The following NKAIN2 variants were observed in gnomAD, a reference collection of about 807,000 sequenced individuals.
NKAIN2 encodes sodium/potassium-transporting ATPase subunit beta-1-interacting protein 2.
In NKAIN2, 14 loss-of-function variants were observed where a neutral mutation model predicts 32.6. The ratio of observed to expected loss-of-function variants is 0.43; its 90% CI spans 0.28 to 0.67. The LOEUF is 0.67. NKAIN2 is among the 30% of genes least tolerant of loss of function. The probability of loss-of-function intolerance (pLI) is 0.17; values close to 1 mark genes in which losing one functional copy is unlikely to be tolerated. For missense variants in NKAIN2, 198 were observed against 258.3 expected, an observed-to-expected ratio of 0.77 and a Z score of 1.60; for synonymous variants, 80 against 87.2, an observed-to-expected ratio of 0.92 and a Z score of 0.46.
intron 3 of NKAIN2, among the ~76,000 whole-genome samples, chr6:124,366,423 T>A (rs2114303083): frequency 6.6e-6 from 1 of 152,158 alleles, no homozygotes; most frequent in African/African-American, 2.4e-5. Flanking sequence ...TTAAATAAAT[T>A]GCATCATTAA....
rs534796259 is a variant in NKAIN2, at chr6:124,475,647, C to T, written c.273+120300C>T. On this transcript the variant is annotated intron_variant, in intron 3 of 6. Coordinates refer to ENST00000368417, the MANE Select transcript of NKAIN2 (RefSeq NM_001040214.3). ...CACATGCACAGCTCTGTAACTAGACCGAAGGTAGTTTTCCTTTCTCTGCAT... is the reference window on the plus strand; with the variant it reads ...CACATGCACAGCTCTGTAACTAGACTGAAGGTAGTTTTCCTTTCTCTGCAT... 2.0e-5 allele frequency among the ~76,000 whole-genome samples: 3 copies of T among 152,120 alleles called. No individual in the cohort carries two copies. The South Asian group carries it at 6.2e-4, about 32-fold the overall frequency.
At chr6:124,575,122 T>G (rs1239182680) in intron 3 of NKAIN2, among the ~76,000 whole-genome samples, 3 of 152,206 alleles carry the variant, frequency 2.0e-5, no homozygotes, top group Non-Finnish European at 4.4e-5. Context: ...GGAAAGCAAC[T>G]TCCTTTTGTA....
At chr6:124,630,104 AG>A (rs1783505573) in intron 3 of NKAIN2, among the ~76,000 whole-genome samples, 1 of 152,118 alleles carries the variant, frequency 6.6e-6, no homozygotes, top group South Asian at 2.1e-4. Flanking sequence ...TAGAGTGGAG[AG>A]AAGAAGGTTT....
intron 3 of NKAIN2, among the ~76,000 whole-genome samples, chr6:124,397,641 A>C (rs940762758): frequency 4.1e-5 from 6 of 144,662 alleles, no homozygotes; most frequent in African/African-American, 1.7e-4. Flanking sequence ...AAAAAAAAGA[A>C]TTTAAAAAAA....
intron 1 of NKAIN2, among the ~76,000 whole-genome samples, chr6:123,849,949 G>GTTTTTT (rs777466801): frequency 1.0e-4 from 4 of 38,688 alleles, no homozygotes; most frequent in African/African-American, 1.6e-4. Flanking sequence ...ACTCAGGCTG[G>GTTTTTT]TTTTTTTTTT....
chr6:124,711,607 G>C, intron 4 of NKAIN2, among the ~76,000 whole-genome samples: 1 of 149,758 alleles, frequency 6.7e-6, no homozygotes, highest in East Asian at 2.0e-4. Context: ...CCAGTTGATC[G>C]CATCGGCTCC....
chr6:123,882,932 G>A (rs1773516137), intron 1 of NKAIN2, among the ~76,000 whole-genome samples: 1 of 152,096 alleles, frequency 6.6e-6, no homozygotes, highest in African/African-American at 2.4e-5. Flanking sequence ...AAACTAAGCT[G>A]GTGAAACGGT....
chr6:124,075,623 T>C (rs1271336436), intron 1 of NKAIN2, among the ~76,000 whole-genome samples: 1 of 151,956 alleles, frequency 6.6e-6, no homozygotes, highest in Non-Finnish European at 1.5e-5. Flanking sequence ...AGAGACGGAG[T>C]CTTGATGTGT....
chr6:123,804,488 G>A (rs1001426536), intron 1 of NKAIN2, among the ~76,000 whole-genome samples: 1 of 152,054 alleles, frequency 6.6e-6, no homozygotes, highest in Non-Finnish European at 1.5e-5. Flanking sequence ...TGGCAGGTGC[G>A]GGTTAAACTT....
intron 2 of NKAIN2, among the ~76,000 whole-genome samples, chr6:124,342,933 A>C (rs537029424): frequency 6.6e-6 from 1 of 150,488 alleles, no homozygotes; most frequent in African/African-American, 2.4e-5. Context: ...TGCACCCATT[A>C]ACTCATCATT....
chr6:123,928,920 G>A (rs1776130958), intron 1 of NKAIN2, among the ~76,000 whole-genome samples: 1 of 152,088 alleles, frequency 6.6e-6, no homozygotes, highest in African/African-American at 2.4e-5. Context: ...ATTCTGTACA[G>A]TTATAGAAAT....
intron 1 of NKAIN2, among the ~76,000 whole-genome samples, chr6:124,046,715 G>A (rs186384709): frequency 6.6e-6 from 1 of 151,834 alleles, no homozygotes; most frequent in Non-Finnish European, 1.5e-5. Context: ...TGAGTTCTAG[G>A]GTCTTCTCCA....
At chr6:123,927,958 A>G (rs994708406) in intron 1 of NKAIN2, among the ~76,000 whole-genome samples, 8 of 152,168 alleles carry the variant, frequency 5.3e-5, no homozygotes, top group Non-Finnish European at 1.2e-4. Context: ...TTAATAAAGA[A>G]CCATGAGCCC....
intron 3 of NKAIN2, among the ~76,000 whole-genome samples, chr6:124,372,126 C>T (rs1258550946): frequency 4.6e-5 from 7 of 151,912 alleles, no homozygotes; most frequent in Admixed American, 2.6e-4. Context: ...TTTATTGGTA[C>T]TACAAAAAGC....
intron 3 of NKAIN2, among the ~76,000 whole-genome samples, chr6:124,641,643 C>A (rs71560002): frequency 1.4e-5 from 2 of 147,384 alleles, no homozygotes; most frequent in African/African-American, 5.1e-5. Context: ...CCTCCGCCTC[C>A]TGGGCTAAAG....
chr6:123,818,484 C>T (rs893316824), intron 1 of NKAIN2, among the ~76,000 whole-genome samples: 8 of 151,956 alleles, frequency 5.3e-5, no homozygotes, highest in African/African-American at 1.9e-4. Flanking sequence ...CAAGAAGGTT[C>T]TGCAAGAATT....
chr6:124,481,437 A>T (rs1385480370), intron 3 of NKAIN2, among the ~76,000 whole-genome samples: 1 of 152,126 alleles, frequency 6.6e-6, no homozygotes, highest in African/African-American at 2.4e-5. Context: ...GTCAGTTAAG[A>T]ATAGTCTAAG....
At chr6:124,571,039 T>C (rs1781108611) in intron 3 of NKAIN2, among the ~76,000 whole-genome samples, 4 of 152,098 alleles carry the variant, frequency 2.6e-5, no homozygotes, top group Admixed American at 2.6e-4. Flanking sequence ...TTTTGGAGCT[T>C]TAAAATTTGA....
At chr6:124,613,935 A>G (rs1782787289) in intron 3 of NKAIN2, among the ~76,000 whole-genome samples, 1 of 152,198 alleles carries the variant, frequency 6.6e-6, no homozygotes, top group South Asian at 2.1e-4. Flanking sequence ...TCAGTCTTTC[A>G]ACTTCATTGC....
Sources: allele counts gnomAD v4.1 joint callset (sites outside exome capture counted in the v4.1 genomes callset), GRCh38; gene constraint gnomAD v4.1.1; transcripts MANE v1.5; gene names NCBI Gene and HGNC (gene_info 2026-07-23, HGNC 2026-07-21).